The following RPAP2 variants were observed in gnomAD, a reference collection of about 807,000 sequenced individuals.
RPAP2 encodes RNA polymerase II associated protein 2, also known as putative RNA polymerase II subunit B1 CTD phosphatase RPAP2.
In RPAP2, 52 loss-of-function variants were observed where a neutral mutation model predicts 73.1. The observed-to-expected ratio is 0.71, with a 90% confidence interval of 0.57 to 0.90. The LOEUF is 0.90. Among genes scored for constraint, RPAP2 ranks in the 40% least tolerant of loss-of-function variants. RPAP2 has a pLI of 0.00. For synonymous variants in RPAP2, 225 were observed against 242.1 expected (o/e 0.93, Z 0.65); for missense variants, 598 against 701.8 (o/e 0.85, Z 1.67).
chr1:92,387,095 T>C lies in RPAP2; in HGVS notation c.*84T>C. 1 of 1,354,668 alleles carries C rather than the reference T, an allele frequency of 7.4e-7. No individual in the cohort carries two copies. The highest frequency in any genetic ancestry group is 1.0e-6 in the Non-Finnish European group (1 of 983,282). The allele number at this position is 1,354,668 out of a possible 1,614,324, so 83.9% of individuals were successfully genotyped here. On this transcript the variant is annotated 3_prime_UTR_variant, in exon 13 of 13. Transcript: ENST00000610020. Reference sequence around the variant, plus strand: ...GCCGCCATGATGGTCTGGTGGTGACTGATAACTAGTTTTATTCCAAGACAT... The same window carrying C: ...GCCGCCATGATGGTCTGGTGGTGACCGATAACTAGTTTTATTCCAAGACAT...
chr1:92,376,796 T>G (rs1415212005), intron 11 of RPAP2, among the ~76,000 whole-genome samples: 1 of 152,236 alleles, frequency 6.6e-6, no homozygotes, highest in Admixed American at 6.5e-5. Flanking sequence ...GAATGAAAGC[T>G]AGCATATTAG....
intron 7 of RPAP2, among the ~76,000 whole-genome samples, chr1:92,321,748 T>C (rs1652275979): frequency 1.3e-5 from 2 of 152,134 alleles, no homozygotes; most frequent in African/African-American, 2.4e-5. Context: ...ATATCTTTTA[T>C]TGAAAAATGT....
rs191943499 is a variant in RPAP2, at chr1:92,320,897, C to T, written c.524+263C>T. 1.7e-3 allele frequency among the ~76,000 whole-genome samples: 266 copies of T among 152,332 alleles called. 2 individuals are homozygous for T. The highest frequency in any genetic ancestry group is 2.8e-3 in the Non-Finnish European group (190 of 68,034). ...AACCTGTTGAAATATGACATAAACA[C>T]AGCCTCCATCTCAGATACCATGCTT... On this transcript the variant is annotated intron_variant, in intron 7 of 12. Coordinates refer to ENST00000610020, the MANE Select transcript of RPAP2 (RefSeq NM_024813.3).
intron 11 of RPAP2, among the ~76,000 whole-genome samples, chr1:92,379,290 G>A (rs1655517663): frequency 6.6e-6 from 1 of 152,140 alleles, no homozygotes; most frequent in Admixed American, 6.6e-5. Flanking sequence ...ATATCTGAAA[G>A]AGCTTTGTGG....
At chr1:92,321,972 G>T in intron 7 of RPAP2, among the ~76,000 whole-genome samples, 2 of 131,254 alleles carry the variant, frequency 1.5e-5, no homozygotes, top group South Asian at 2.5e-4. Context: ...TCAAGACAGA[G>T]TCTCACTCTA....
At chr1:92,319,666 C>A (rs1571049399) in intron 6 of RPAP2, among the ~76,000 whole-genome samples, 1 of 152,126 alleles carries the variant, frequency 6.6e-6, no homozygotes, top group Admixed American at 6.5e-5. Flanking sequence ...CTTTAAGGAG[C>A]TTATAGTCTA....
chr1:92,322,978 ATAT>A (rs1382066235), intron 7 of RPAP2, among the ~76,000 whole-genome samples: 1 of 147,364 alleles, frequency 6.8e-6, no homozygotes, highest in African/African-American at 2.5e-5. Flanking sequence ...GTACAAGTAT[ATAT>A]TATATATGTA....
intron 6 of RPAP2, among the ~76,000 whole-genome samples, chr1:92,314,981 G>A (rs534075688): frequency 6.6e-6 from 1 of 152,270 alleles, no homozygotes; most frequent in African/African-American, 2.4e-5. Flanking sequence ...AGAGGCAGAG[G>A]TTGCAGTGAA....
At chr1:92,355,637 C>T (rs1654424979) in intron 11 of RPAP2, among the ~76,000 whole-genome samples, 1 of 152,034 alleles carries the variant, frequency 6.6e-6, no homozygotes. Flanking sequence ...GAGGAACACC[C>T]CCAAGATGCC....
At chr1:92,369,018 CA>C (rs2101413239) in intron 11 of RPAP2, among the ~76,000 whole-genome samples, 2 of 152,286 alleles carry the variant, frequency 1.3e-5, no homozygotes, top group Middle Eastern at 3.4e-3. Flanking sequence ...GAGTTGTTTT[CA>C]AATTATATTC....
chr1:92,390,814 G>T lies in RPAP2; in HGVS notation c.*3803G>T, dbSNP rs1345823404. ...AGACAAAGAAGGTCATTACATAATG[G>T]TAAAGGGATCAATTCAACAAGAACA... On this transcript the variant is annotated 3_prime_UTR_variant, in exon 13 of 13. Coordinates refer to ENST00000610020, the MANE Select transcript of RPAP2 (RefSeq NM_024813.3). 6.6e-6 allele frequency: 1 copy of T among 152,128 alleles called. No homozygotes were observed. Among genetic ancestry groups the T allele is most frequent in the East Asian group, 1.9e-4 (1 of 5,196 alleles). 9.4% of individuals were successfully genotyped at this position (152,128 alleles called of 1,614,324 possible). A position where few individuals can be genotyped will look rare whatever the true frequency, so the allele number is the denominator to read the frequency against.
chr1:92,389,680 C>G lies in RPAP2; in HGVS notation c.*2669C>G, dbSNP rs1356638911. 6.6e-6 allele frequency: 1 copy of G among 152,096 alleles called. No homozygotes were observed. The highest frequency in any genetic ancestry group is 1.5e-5 in the Non-Finnish European group (1 of 68,022). 9.4% of individuals were successfully genotyped at this position (152,096 alleles called of 1,614,324 possible). A position where few individuals can be genotyped will look rare whatever the true frequency, so the allele number is the denominator to read the frequency against. ...TAGACAAATGGCTAACTAGAATAAC[C>G]AGTGTAGAGAAGAGCTTAAATGACC... On this transcript the variant is annotated 3_prime_UTR_variant, in exon 13 of 13. Coordinates refer to ENST00000610020, the MANE Select transcript of RPAP2 (RefSeq NM_024813.3).
intron 8 of RPAP2, among the ~76,000 whole-genome samples, chr1:92,324,776 G>A (rs1246071940): frequency 6.6e-6 from 1 of 152,074 alleles, no homozygotes; most frequent in African/African-American, 2.4e-5. Context: ...AATAGACTTG[G>A]TAGTTACATT....
rs1656215221 is a variant in RPAP2 at position 92,397,553 on chromosome 1, T to G, written c.*10542T>G. 6.6e-6 allele frequency: 1 copy of G among 152,158 alleles called. No individual in the cohort carries two copies. The highest frequency in any genetic ancestry group is 1.5e-5 in the Non-Finnish European group (1 of 68,058). 9.4% of individuals were successfully genotyped at this position (152,158 alleles called of 1,614,324 possible). A position where few individuals can be genotyped will look rare whatever the true frequency, so the allele number is the denominator to read the frequency against. ...GAAACTAAGGATCCAAGTGGACAAC[T>G]GCCACCAAGTCACCACAGGGCCAGC... On this transcript the variant is annotated 3_prime_UTR_variant, in exon 13 of 13. Transcript: ENST00000610020.
chr1:92,343,647 C>T (rs2101289782), intron 10 of RPAP2, among the ~76,000 whole-genome samples: 1 of 152,108 alleles, frequency 6.6e-6, no homozygotes, highest in Non-Finnish European at 1.5e-5. Context: ...TAATTGAATG[C>T]CTACTGACGG....
At chr1:92,359,360 C>T (rs1233447357) in intron 11 of RPAP2, among the ~76,000 whole-genome samples, 1 of 152,178 alleles carries the variant, frequency 6.6e-6, no homozygotes, top group Non-Finnish European at 1.5e-5. Flanking sequence ...GCTCTTGTTG[C>T]CCAAGCTGGA....
Position 92,323,680 on chromosome 1 carries a change from C to G in RPAP2, c.760C>G (p.His254Asp). 6.2e-7 allele frequency: 1 copy of G among 1,613,596 alleles called. No homozygotes were observed. Among genetic ancestry groups the G allele is most frequent in the East Asian group, 2.2e-5 (1 of 44,854 alleles). ...AAGCATAATGAAAAAGAAAGCTGGT[C>G]ACAAAGCTAACTCCAAACACAAAGA... ...QKSIMKKKAG[H>D]KANSKHKDKE... The change falls in exon 8 of 13, where the codon CAC becomes GAC. Residue 254 changes from histidine to aspartate, a missense_variant. By Grantham distance (81) the His-to-Asp change is moderately conservative (BLOSUM62 -1). Transcript: ENST00000610020.
At chr1:92,382,939 T>C (rs2101453299) in intron 12 of RPAP2, among the ~76,000 whole-genome samples, 1 of 152,310 alleles carries the variant, frequency 6.6e-6, no homozygotes, top group East Asian at 1.9e-4. Flanking sequence ...TTGAATTAAT[T>C]TTTGTATAAG....
intron 11 of RPAP2, among the ~76,000 whole-genome samples, chr1:92,351,948 G>A (rs2101342423): frequency 6.6e-6 from 1 of 152,268 alleles, no homozygotes; most frequent in African/African-American, 2.4e-5. Flanking sequence ...GCCAGGGAGA[G>A]AGGTGTGTGT....
Sources: allele counts gnomAD v4.1 joint callset (sites outside exome capture counted in the v4.1 genomes callset), GRCh38; gene constraint gnomAD v4.1.1; transcripts MANE v1.5; gene names NCBI Gene and HGNC (gene_info 2026-07-23, HGNC 2026-07-21).